The following EPB41L2 variants were observed in gnomAD, a reference collection of about 807,000 sequenced individuals.
EPB41L2 encodes band 4.1-like protein 2.
EPB41L2 carries 43 observed loss-of-function variants against 113.0 expected under a neutral mutation model. That is an observed-to-expected ratio of 0.38 (90% CI 0.30 to 0.49). The LOEUF (loss-of-function observed/expected upper bound fraction) is 0.49. Ranked by LOEUF, EPB41L2 falls within the 20% of genes least tolerant of loss-of-function variation. The pLI, the probability that EPB41L2 is intolerant of heterozygous loss-of-function variation, is 0.95. For synonymous variants in EPB41L2, 442 were observed against 436.7 expected, an observed-to-expected ratio of 1.01 and a Z score of -0.15; for missense variants, 1,147 against 1,223.4, an observed-to-expected ratio of 0.94 and a Z score of 0.93.
chr6:130,874,077 G>A (rs192279820), intron 14 of EPB41L2, among the ~76,000 whole-genome samples: 1 of 152,176 alleles, frequency 6.6e-6, no homozygotes, highest in Admixed American at 6.5e-5. Context: ...ACAACTCAAT[G>A]TACATAATCT....
chr6:131,020,969 A>T (rs1239936941), intron 1 of EPB41L2, among the ~76,000 whole-genome samples: 1 of 150,814 alleles, frequency 6.6e-6, no homozygotes, highest in Non-Finnish European at 1.5e-5. Flanking sequence ...TTTTTTTTTT[A>T]ACTTTTTTTG....
At chr6:131,050,635 T>C (rs1244047019) in intron 1 of EPB41L2, among the ~76,000 whole-genome samples, 1 of 152,230 alleles carries the variant, frequency 6.6e-6, no homozygotes, top group Non-Finnish European at 1.5e-5. Context: ...CATCCATACC[T>C]TCACATTAAT....
intron 1 of EPB41L2, among the ~76,000 whole-genome samples, chr6:131,050,396 T>C (rs1796286420): frequency 6.6e-6 from 1 of 152,198 alleles, no homozygotes; most frequent in Admixed American, 6.5e-5. Context: ...GGGGAAATAC[T>C]TTCCTTATTT....
intron 1 of EPB41L2, among the ~76,000 whole-genome samples, chr6:131,046,516 T>C (rs930221301): frequency 6.6e-6 from 1 of 152,190 alleles, no homozygotes; most frequent in Non-Finnish European, 1.5e-5. Flanking sequence ...GATAAACACC[T>C]ACAAAAGTCT....
chr6:131,032,650 C>G (rs1026298897), intron 1 of EPB41L2, among the ~76,000 whole-genome samples: 3 of 152,102 alleles, frequency 2.0e-5, no homozygotes, highest in African/African-American at 7.2e-5. Context: ...TACTACAGCT[C>G]TTAATCTCTC....
At chr6:131,035,922 T>C (rs1793214987) in intron 1 of EPB41L2, among the ~76,000 whole-genome samples, 1 of 152,170 alleles carries the variant, frequency 6.6e-6, no homozygotes, top group African/African-American at 2.4e-5. Context: ...GAGGCCAGAA[T>C]AGACCCTCTA....
intron 1 of EPB41L2, among the ~76,000 whole-genome samples, chr6:131,047,301 G>C (rs1795652279): frequency 6.6e-6 from 1 of 152,046 alleles, no homozygotes; most frequent in Admixed American, 6.6e-5. Context: ...ACATCTGTGA[G>C]TACCCAGTGT....
intron 1 of EPB41L2, among the ~76,000 whole-genome samples, chr6:131,038,796 T>C (rs1793850524): frequency 6.6e-6 from 1 of 152,198 alleles, no homozygotes; most frequent in African/African-American, 2.4e-5. Context: ...GTTCAAAGTA[T>C]TTCAAACTGG....
intron 3 of EPB41L2, among the ~76,000 whole-genome samples, chr6:130,936,948 A>T (rs924496875): frequency 1.3e-5 from 2 of 152,224 alleles, no homozygotes; most frequent in East Asian, 3.8e-4. Context: ...TCTACAAAAG[A>T]AGAACCTGGG....
chr6:130,882,966 T>G (rs952249636), intron 12 of EPB41L2: 1 of 152,794 alleles, frequency 6.5e-6, no homozygotes, highest in African/African-American at 2.4e-5. Context: ...AAATCAGGCA[T>G]AGCAACTTCA....
chr6:130,883,839 C>A (rs948663620), intron 12 of EPB41L2, among the ~76,000 whole-genome samples: 1 of 152,086 alleles, frequency 6.6e-6, no homozygotes, highest in Non-Finnish European at 1.5e-5. Context: ...GATGGAATGT[C>A]GATGATTTGA....
At position 130,867,453 on chromosome 6, in the gene EPB41L2, T is replaced by G. The variant is rs757665523; in HGVS notation, c.2730+6A>C. 7 of 1,613,876 alleles carry G rather than the reference T, an allele frequency of 4.3e-6. No individual in the cohort carries two copies. Among genetic ancestry groups the G allele is most frequent in the Non-Finnish European group, 5.1e-6 (6 of 1,179,820 alleles). On this transcript the variant is annotated splice_donor_region_variant and intron_variant, in intron 16 of 19. Transcript: ENST00000337057. The stretch of plus-strand genomic sequence containing the variant: ...CTCGAACAGTCCAAGTCTAGAGCTT[T>G]TGTACCTGTGGAGACTCATATGTGA...
At chr6:131,003,074 AATT>A (rs971642485) in intron 1 of EPB41L2, among the ~76,000 whole-genome samples, 2 of 152,182 alleles carry the variant, frequency 1.3e-5, no homozygotes, top group Non-Finnish European at 2.9e-5. Context: ...TAATCAGTAA[AATT>A]AAAGCAGGAG....
At chr6:130,926,750 A>ATT in intron 3 of EPB41L2, 41 bp from the exon 4 acceptor site, 1 of 1,223,784 alleles carries the variant, frequency 8.2e-7, no homozygotes, top group Non-Finnish European at 1.2e-6. Flanking sequence ...AGTACTAAAG[A>ATT]TTCCAAGACT....
At chr6:130,871,520 C>G (rs1425954491) in intron 14 of EPB41L2, among the ~76,000 whole-genome samples, 7 of 152,184 alleles carry the variant, frequency 4.6e-5, no homozygotes, top group Non-Finnish European at 8.8e-5. Flanking sequence ...CTCCCAGACA[C>G]TTGGACAACC....
At chr6:130,921,322 A>G (rs1802796674) in intron 4 of EPB41L2, among the ~76,000 whole-genome samples, 1 of 152,108 alleles carries the variant, frequency 6.6e-6, no homozygotes, top group Admixed American at 6.6e-5. Flanking sequence ...CCAAAGAATG[A>G]TATTTGCTTA....
intron 1 of EPB41L2, among the ~76,000 whole-genome samples, chr6:131,023,422 C>A (rs979147361): frequency 6.6e-6 from 1 of 152,116 alleles, no homozygotes; most frequent in African/African-American, 2.4e-5. Context: ...CGGTGGCTCA[C>A]GCCTGTAATC....
At chr6:130,936,758 G>A (rs1451039212) in intron 3 of EPB41L2, among the ~76,000 whole-genome samples, 1 of 152,112 alleles carries the variant, frequency 6.6e-6, no homozygotes, top group African/African-American at 2.4e-5. Flanking sequence ...CCTAGGCATT[G>A]CTCAAAACAA....
At chr6:131,001,237 C>G (rs1784305067) in intron 1 of EPB41L2, among the ~76,000 whole-genome samples, 1 of 152,102 alleles carries the variant, frequency 6.6e-6, no homozygotes, top group African/African-American at 2.4e-5. Flanking sequence ...CCTGACACTT[C>G]CATGGTGAAC....
Sources: allele counts gnomAD v4.1 joint callset (sites outside exome capture counted in the v4.1 genomes callset), GRCh38; gene constraint gnomAD v4.1.1; transcripts MANE v1.5; gene names NCBI Gene and HGNC (gene_info 2026-07-23, HGNC 2026-07-21).